The following SNED1 variants were observed in gnomAD, a reference collection of about 807,000 sequenced individuals.
The protein encoded by SNED1 is sushi, nidogen and EGF like domains 1, also known as sushi, nidogen and EGF-like domain-containing protein 1.
In SNED1, 81 loss-of-function variants were observed where a neutral mutation model predicts 166.7. The observed-to-expected ratio is 0.49, with a 90% CI of 0.41 to 0.58. The LOEUF (loss-of-function observed/expected upper bound fraction) is 0.58, where lower values mean the gene tolerates loss of function less well. Ranked by LOEUF, SNED1 falls within the 20% of genes least tolerant of loss-of-function variation. SNED1 has a pLI of 0.00. For synonymous variants in SNED1, 762 were observed against 822.0 expected, an observed-to-expected ratio of 0.93 and a Z score of 1.25; for missense variants, 1,604 against 2,000.2, an observed-to-expected ratio of 0.80 and a Z score of 3.78.
chr2:241,073,031 A>G lies in SNED1; in HGVS notation c.3818-235A>G. ...GGTGGCTGTCCCTGAAGCAGCTCTG[A>G]GGGGGCCCTGCAAGGGGAAGGCCGA... On this transcript the variant is annotated intron_variant, in intron 26 of 31. Transcript: ENST00000310397. The surrounding 1 kb of genome is among the most constrained non-coding windows in gnomAD (Gnocchi z 6.6). 1 of 531,604 alleles carries G rather than the reference A, an allele frequency of 1.9e-6. No individual in the cohort carries two copies. Among genetic ancestry groups the G allele is most frequent in the Non-Finnish European group, 3.3e-6 (1 of 298,860 alleles). 32.9% of individuals were successfully genotyped at this position (531,604 alleles called of 1,614,324 possible).
At chr2:241,070,832 G>A (rs546243233) in intron 24 of SNED1, among the ~76,000 whole-genome samples, 29 of 152,350 alleles carry the variant, frequency 1.9e-4, no homozygotes, top group Middle Eastern at 3.4e-3. Context: ...AGAAAGAGAC[G>A]GAGACAAGCA....
At chr2:241,089,301 G>C in intron 31 of SNED1, 4 of 1,549,720 alleles carry the variant, frequency 2.6e-6, no homozygotes, top group Non-Finnish European at 3.5e-6. Context: ...TCCTGGTGGC[G>C]CAGATGAGTG....
intron 1 of SNED1, among the ~76,000 whole-genome samples, chr2:241,009,273 A>G (rs917083854): frequency 6.6e-6 from 1 of 152,114 alleles, no homozygotes; most frequent in African/African-American, 2.4e-5. Flanking sequence ...TCAAGAGCCC[A>G]GGAGGCAGCA....
chr2:241,050,418 C>T (rs752209407), intron 12 of SNED1, among the ~76,000 whole-genome samples: 4 of 152,128 alleles, frequency 2.6e-5, no homozygotes, highest in Non-Finnish European at 5.9e-5. Context: ...GGACTCCCAT[C>T]AGTCACCCCC....
In SNED1 at chr2:241,069,631, C is replaced by T. The variant is rs1034387132; in HGVS notation, c.3308-289C>T. ...TCCACGCAGCCAGGCTCAGGGGAAC[C>T]GACTGTGCCGCAGGGAGGGCGCCAG... On this transcript the variant is annotated intron_variant, in intron 23 of 31. Coordinates refer to ENST00000310397, the MANE Select transcript of SNED1 (RefSeq NM_001080437.3). This position sits in a 1 kb window ranked among gnomAD's most constrained non-coding sequence, Gnocchi z 4.9. Among the ~76,000 whole-genome samples, 11 of 152,288 alleles carry T rather than the reference C, an allele frequency of 7.2e-5. No individual in the cohort carries two copies. The highest frequency in any genetic ancestry group is 4.1e-4 in the South Asian group (2 of 4,826).
intron 29 of SNED1, among the ~76,000 whole-genome samples, chr2:241,086,631 T>A (rs1454976874): frequency 1.3e-5 from 2 of 152,232 alleles, no homozygotes; most frequent in African/African-American, 4.8e-5. Flanking sequence ...ATTGGGAGGT[T>A]AATTCCAGAT....
rs2062535208 is a variant in SNED1, at chr2:241,068,013, G to A, written c.3194+66G>A. On this transcript the variant is annotated intron_variant, in intron 22 of 31. Transcript: ENST00000310397. This position sits in a 1 kb window ranked among gnomAD's most constrained non-coding sequence, Gnocchi z 5.3. Reference sequence around the variant, plus strand: ...AGGGGTGGGGGCTCGGGGACACGGGGCCCAGGTCTCGGGCACATTCTCCGT... The same window carrying A: ...AGGGGTGGGGGCTCGGGGACACGGGACCCAGGTCTCGGGCACATTCTCCGT... 6.9e-7 allele frequency: 1 copy of A among 1,439,734 alleles called. No individual in the cohort carries two copies. The highest frequency in any genetic ancestry group is 9.5e-7 in the Non-Finnish European group (1 of 1,047,910). 89.2% of individuals were successfully genotyped at this position (1,439,734 alleles called of 1,614,324 possible). A position where few individuals can be genotyped will look rare whatever the true frequency, so the allele number is the denominator to read the frequency against.
At chr2:241,046,323 A>G (rs2061645718) in intron 8 of SNED1, among the ~76,000 whole-genome samples, 1 of 152,204 alleles carries the variant, frequency 6.6e-6, no homozygotes, top group Non-Finnish European at 1.5e-5. Context: ...TAAAGAGATG[A>G]AAACTTATGT....
At position 241,054,339 on chromosome 2, in the gene SNED1, G is replaced by C. The variant is rs564527062; in HGVS notation, c.2257+1013G>C. 9.2e-5 allele frequency among the ~76,000 whole-genome samples: 14 copies of C among 152,330 alleles called. No individual in the cohort carries two copies. In the South Asian group the frequency reaches 2.9e-3, roughly 32 times the overall value. On this transcript the variant is annotated intron_variant, in intron 16 of 31. Transcript: ENST00000310397. ...AATATGTATGATCGGAAGCAGAAGT[G>C]TAGAAGACAGACTAACACAGGAGTT...
At chr2:240,997,696 C>T (rs1156923859), upstream of SNED1, among the ~76,000 whole-genome samples, 5 of 152,182 alleles carry the variant, frequency 3.3e-5, no homozygotes, top group East Asian at 5.8e-4. Context: ...TGCTTGTCTT[C>T]GAGGGGTGCA....
intron 5 of SNED1, 133 bp from the exon 6 acceptor site, chr2:241,037,107 G>C: frequency 1.0e-6 from 1 of 991,736 alleles, no homozygotes; most frequent in Non-Finnish European, 1.5e-6. Flanking sequence ...CACCATGGGC[G>C]GGTGCAGTTG....
chr2:241,062,502 G>A (rs1379762163), intron 16 of SNED1, among the ~76,000 whole-genome samples: 1 of 152,126 alleles, frequency 6.6e-6, no homozygotes, highest in Non-Finnish European at 1.5e-5. Flanking sequence ...AACCCCTGAG[G>A]CCTTTGTCCT....
intron 31 of SNED1, chr2:241,090,342 G>A: frequency 1.3e-6 from 2 of 1,550,230 alleles, no homozygotes; most frequent in Non-Finnish European, 1.7e-6. Flanking sequence ...AACACACATG[G>A]AGCTGCCACC....
At chr2:241,034,088 C>T (rs1301831068) in intron 3 of SNED1, among the ~76,000 whole-genome samples, 1 of 152,238 alleles carries the variant, frequency 6.6e-6, no homozygotes, top group Non-Finnish European at 1.5e-5. Context: ...GTCCCCCTGA[C>T]CTGCCCCGCC....
chr2:241,087,065 G>A, intron 29 of SNED1: 1 of 242,896 alleles, frequency 4.1e-6, no homozygotes, highest in Non-Finnish European at 7.8e-6. Flanking sequence ...CAGGCCTCCG[G>A]CCAGGTGGCT....
At chr2:241,050,051 G>A (rs1559264864) in intron 12 of SNED1, 118 bp downstream of exon 12, 5 of 775,158 alleles carry the variant, frequency 6.5e-6, no homozygotes, top group South Asian at 5.8e-5. Context: ...CTCGTCTAGA[G>A]CCTTGCCTGA....
At chr2:241,077,850 G>A (rs1045306978) in intron 27 of SNED1, among the ~76,000 whole-genome samples, 4 of 152,152 alleles carry the variant, frequency 2.6e-5, no homozygotes, top group African/African-American at 9.7e-5. Context: ...GACGTGGAGA[G>A]ATCAGAACCC....
At chr2:241,065,208 G>A in intron 20 of SNED1, 91 bp from the exon 21 acceptor site, 2 of 1,368,768 alleles carry the variant, frequency 1.5e-6, no homozygotes, top group Admixed American at 4.0e-5. Flanking sequence ...AGGCCCAAGA[G>A]CCAGACCCGG....
intron 29 of SNED1, among the ~76,000 whole-genome samples, chr2:241,084,476 A>G (rs2063486249): frequency 6.6e-6 from 1 of 152,090 alleles, no homozygotes; most frequent in African/African-American, 2.4e-5. Context: ...GATTTACCAT[A>G]CACATCTTCA....
Sources: allele counts gnomAD v4.1 joint callset (sites outside exome capture counted in the v4.1 genomes callset), GRCh38; gene constraint gnomAD v4.1.1; non-coding constraint Gnocchi (gnomAD v3.1); transcripts MANE v1.5; gene names NCBI Gene and HGNC (gene_info 2026-07-23, HGNC 2026-07-21).